The following SRPK2 variants were observed in gnomAD, a reference collection of about 807,000 sequenced individuals.
The protein encoded by SRPK2 is SFRS protein kinase 2.
In SRPK2, 21 loss-of-function variants were observed where a neutral mutation model predicts 90.8. That is an observed-to-expected ratio of 0.23 (90% CI 0.16 to 0.33). The LOEUF is 0.33. SRPK2 is among the 10% of genes least tolerant of loss of function. SRPK2 has a pLI of 1.00. For missense variants in SRPK2, 620 were observed against 869.0 expected (o/e 0.71, Z 3.60); for synonymous variants, 288 against 311.1 (o/e 0.93, Z 0.78).
At chr7:105,353,554 C>A (rs961293688) in intron 2 of SRPK2, among the ~76,000 whole-genome samples, 17 of 148,568 alleles carry the variant, frequency 1.1e-4, no homozygotes, top group African/African-American at 4.2e-4. Context: ...TTGGTGGAGA[C>A]AGGGTTTTGT....
At chr7:105,115,156 T>TA (rs1276436649), downstream of SRPK2, 3 of 152,158 alleles carry the variant, frequency 2.0e-5, no homozygotes, top group Non-Finnish European at 4.4e-5. Context: ...TACTCTAAAA[T>TA]ACAGTCTTCT....
At chr7:105,193,364 A>G (rs1333773949) in intron 3 of SRPK2, among the ~76,000 whole-genome samples, 1 of 152,076 alleles carries the variant, frequency 6.6e-6, no homozygotes, top group Non-Finnish European at 1.5e-5. Flanking sequence ...TTTATTTCTC[A>G]GTTCTCTATT....
At chr7:105,296,745 G>T (rs765541166) in intron 2 of SRPK2, among the ~76,000 whole-genome samples, 1 of 152,144 alleles carries the variant, frequency 6.6e-6, no homozygotes, top group Non-Finnish European at 1.5e-5. Flanking sequence ...CACTAATAGA[G>T]CTTACTATGT....
chr7:105,132,964 G>T (rs1177218612), intron 12 of SRPK2, 40 bp downstream of exon 12: 1 of 1,613,212 alleles, frequency 6.2e-7, no homozygotes, highest in Admixed American at 1.7e-5. Flanking sequence ...TTCGCACACA[G>T]AATCAAGACC....
intron 15 of SRPK2, 109 bp from the exon 16 acceptor site, chr7:105,118,131 T>C (rs1799823470): frequency 1.9e-6 from 2 of 1,060,718 alleles, no homozygotes; most frequent in Non-Finnish European, 1.4e-6. Flanking sequence ...TGCTCAACAC[T>C]TGTACAGCAA....
intron 2 of SRPK2, among the ~76,000 whole-genome samples, chr7:105,296,132 G>A (rs1037784001): frequency 6.6e-6 from 1 of 152,200 alleles, no homozygotes; most frequent in Non-Finnish European, 1.5e-5. Flanking sequence ...CAATCTCACA[G>A]CTGTTTCCAT....
At chr7:105,356,155 G>GA (rs1192179628) in intron 2 of SRPK2, among the ~76,000 whole-genome samples, 1 of 152,086 alleles carries the variant, frequency 6.6e-6, no homozygotes, top group Non-Finnish European at 1.5e-5. Flanking sequence ...TGACAAAATG[G>GA]CTTCAATACC....
chr7:105,288,431 A>G (rs1228707326), intron 2 of SRPK2, among the ~76,000 whole-genome samples: 1 of 152,070 alleles, frequency 6.6e-6, no homozygotes, highest in East Asian at 1.9e-4. Context: ...TATCTCTACT[A>G]AAAATATAAA....
chr7:105,304,466 C>G (rs1810931830), intron 2 of SRPK2: 1 of 152,228 alleles, frequency 6.6e-6, no homozygotes, highest in Non-Finnish European at 1.5e-5. Context: ...AAGCCAGATT[C>G]ATTTCAATTT....
chr7:105,293,396 A>G (rs1295481127), intron 2 of SRPK2, among the ~76,000 whole-genome samples: 5 of 152,188 alleles, frequency 3.3e-5, no homozygotes, highest in Admixed American at 6.5e-5. Context: ...AAGATGTTAC[A>G]TATCTTCATC....
At chr7:105,214,770 A>T (rs990913675) in intron 2 of SRPK2, among the ~76,000 whole-genome samples, 2 of 152,250 alleles carry the variant, frequency 1.3e-5, no homozygotes, top group African/African-American at 2.4e-5. Context: ...CAATATGGGA[A>T]AATGCCCCCT....
At chr7:105,200,466 G>C (rs564198951) in intron 3 of SRPK2, among the ~76,000 whole-genome samples, 1 of 152,232 alleles carries the variant, frequency 6.6e-6, no homozygotes, top group South Asian at 2.1e-4. Context: ...AGAGATCCAT[G>C]AATTTATCAG....
At chr7:105,316,805 G>A (rs544666244) in intron 2 of SRPK2, among the ~76,000 whole-genome samples, 3 of 152,254 alleles carry the variant, frequency 2.0e-5, no homozygotes, top group South Asian at 2.1e-4. Context: ...ACTAGTTCCC[G>A]CCCACTGGCC....
chr7:105,394,535 A>G (rs1273799809), intron 1 of SRPK2, among the ~76,000 whole-genome samples: 1 of 152,224 alleles, frequency 6.6e-6, no homozygotes, highest in Admixed American at 6.5e-5. Flanking sequence ...TAATTACAAC[A>G]TCTGGAAAGT....
intron 2 of SRPK2, chr7:105,204,863 T>C (rs1428831359): frequency 2.2e-6 from 1 of 451,188 alleles, no homozygotes; most frequent in African/African-American, 2.0e-5. Context: ...TAAGCCCTAG[T>C]TGTTGAGAGC....
chr7:105,325,089 C>G (rs534416849), intron 2 of SRPK2, among the ~76,000 whole-genome samples: 1 of 152,242 alleles, frequency 6.6e-6, no homozygotes, highest in East Asian at 1.9e-4. Context: ...AGAAAGGCAG[C>G]AGTCAACATC....
chr7:105,228,200 T>C (rs1030664730), intron 2 of SRPK2, among the ~76,000 whole-genome samples: 17 of 152,148 alleles, frequency 1.1e-4, no homozygotes, highest in Non-Finnish European at 2.1e-4. Flanking sequence ...AATCTCCTAA[T>C]TTCATATGAA....
Position 105,199,300 on chromosome 7 carries a change from AT to A in SRPK2, c.229+4327del, listed in dbSNP as rs113112551. 9.3e-4 allele frequency among the ~76,000 whole-genome samples: 141 copies of A among 151,856 alleles called. 1 individual carries two copies. The highest frequency in any genetic ancestry group is 3.4e-3 in the Middle Eastern group (1 of 292). On this transcript the variant is annotated intron_variant, in intron 3 of 15. Transcript: ENST00000393651. ...ATACATGTGATGTCTTTTGTTGTTAATTTTTTTTTAATTGTATTTTGAGGAA... is the reference window on the plus strand; with the variant it reads ...ATACATGTGATGTCTTTTGTTGTTAATTTTTTTTAATTGTATTTTGAGGAA...
At chr7:105,187,419 T>G (rs1023535520) in intron 3 of SRPK2, among the ~76,000 whole-genome samples, 3 of 152,228 alleles carry the variant, frequency 2.0e-5, no homozygotes, top group Non-Finnish European at 4.4e-5. Context: ...CATTGCTAAA[T>G]TTCACCGAAT....
Sources: gnomAD v4.1 joint callset for allele counts (sites outside exome capture counted in the v4.1 genomes callset) on GRCh38, gnomAD v4.1.1 for gene constraint, MANE v1.5 for transcripts, NCBI Gene and HGNC (gene_info 2026-07-23, HGNC 2026-07-21) for gene names.